STX5: variants seen among roughly 807,000 people sequenced by gnomAD.
STX5 encodes syntaxin 5, also known as syntaxin-5.
Under a neutral mutation model 42.9 loss-of-function variants are expected in STX5, and 15 were observed. The observed-to-expected ratio is 0.35, with a 90% CI of 0.23 to 0.54. The LOEUF (loss-of-function observed/expected upper bound fraction) is 0.54. STX5 is among the 20% of genes least tolerant of loss of function. The pLI is 0.91. For synonymous variants in STX5, 184 were observed against 173.2 expected (o/e 1.06, Z -0.49); for missense variants, 430 against 455.0 (o/e 0.95, Z 0.50).
intron 10 of STX5, among the ~76,000 whole-genome samples, chr11:62,815,086 A>G (rs2084658898): frequency 6.7e-6 from 1 of 149,546 alleles, no homozygotes; most frequent in African/African-American, 2.5e-5. Flanking sequence ...CGGCTCACTG[A>G]AACCTACACC....
chr11:62,807,871 G>A (rs1355793187), intron 10 of STX5: 8 of 602,046 alleles, frequency 1.3e-5, no homozygotes, highest in Admixed American at 9.8e-5. Context: ...TTTCCTCACC[G>A]GCAAAATGAG....
intron 2 of STX5, among the ~76,000 whole-genome samples, chr11:62,829,846 C>T (rs1180908052): frequency 6.6e-6 from 1 of 151,560 alleles, no homozygotes; most frequent in African/African-American, 2.4e-5. Context: ...GGGCAGATCA[C>T]CTCAGGTCAG....
Position 62,831,135 on chromosome 11 carries a change from C to T in STX5, c.109G>A (p.Asp37Asn). The T allele has an allele frequency of 1.9e-6, 3 of 1,556,146 alleles. No homozygotes were observed. The highest frequency in any genetic ancestry group is 2.6e-6 in the Non-Finnish European group (3 of 1,149,738). Residue 37 changes from aspartate to asparagine, a missense_variant, in exon 2 of 11, where the codon GAC (aspartate) becomes AAC (asparagine). Transcript: ENST00000294179. ...ACTGGGGGGGGCAGAGGGGCGATGT[C>T]GCTGCTGCTACTGCCAGCAGTTGCA... The part of the protein sequence containing the change: ...SPATAGSSSS[D>N]IAPLPPPVTL...
chr11:62,828,096 G>A (rs997781598), intron 2 of STX5, among the ~76,000 whole-genome samples: 1 of 150,998 alleles, frequency 6.6e-6, no homozygotes, highest in African/African-American at 2.4e-5. Context: ...GCTTTACCAT[G>A]AGCTGAAAAA....
At chr11:62,815,946 A>C (rs750006014) in intron 10 of STX5, 1 of 152,100 alleles carries the variant, frequency 6.6e-6, no homozygotes, top group Admixed American at 6.6e-5. Context: ...TATACATATT[A>C]TCTCATCACC....
chr11:62,809,673 C>CAAAAAAAAAAAA (rs749188946), intron 10 of STX5, among the ~76,000 whole-genome samples: 1 of 19,178 alleles, frequency 5.2e-5, no homozygotes, highest in African/African-American at 1.4e-4. Flanking sequence ...GACTCTGTCT[C>CAAAAAAAAAAAA]AAAAAAAAAA....
At chr11:62,812,003 G>A (rs1251952308) in intron 10 of STX5, among the ~76,000 whole-genome samples, 1 of 150,460 alleles carries the variant, frequency 6.6e-6, no homozygotes, top group Non-Finnish European at 1.5e-5. Context: ...AGGAAGACTA[G>A]AATGTAAAGT....
intron 10 of STX5, 112 bp from the exon 11 acceptor site, chr11:62,807,740 T>C (rs1363061859): frequency 5.3e-6 from 8 of 1,498,664 alleles, no homozygotes; most frequent in Non-Finnish European, 7.1e-6. Flanking sequence ...CCCATTCTTA[T>C]ATATATTTGT....
chr11:62,826,414 G>A (rs1240857377), intron 5 of STX5, among the ~76,000 whole-genome samples: 10 of 149,596 alleles, frequency 6.7e-5, no homozygotes, highest in South Asian at 2.1e-4. Flanking sequence ...AAAATTAGCC[G>A]GGCGCGGTGG....
intron 10 of STX5, among the ~76,000 whole-genome samples, chr11:62,819,585 T>C (rs2084716358): frequency 6.6e-6 from 1 of 152,032 alleles, no homozygotes; most frequent in Non-Finnish European, 1.5e-5. Flanking sequence ...TGGCCCAATC[T>C]CTGCTCACTG....
intron 10 of STX5, among the ~76,000 whole-genome samples, chr11:62,811,907 G>A (rs558763467): frequency 8.6e-5 from 13 of 152,006 alleles, no homozygotes; most frequent in Admixed American, 8.5e-4. Flanking sequence ...AGACCCAGCA[G>A]GATTAGCTCA....
intron 10 of STX5, among the ~76,000 whole-genome samples, chr11:62,822,359 T>C (rs1242384716): frequency 6.6e-6 from 1 of 152,202 alleles, no homozygotes; most frequent in Non-Finnish European, 1.5e-5. Flanking sequence ...CAAGGCTCTG[T>C]CTCAAACACA....
At chr11:62,830,857 G>A (rs75706420) in intron 2 of STX5, among the ~76,000 whole-genome samples, 162 bp downstream of exon 2, 1 of 152,116 alleles carries the variant, frequency 6.6e-6, no homozygotes, top group African/African-American at 2.4e-5. Context: ...TTAGCCAGCC[G>A]ACCTCTTCTC....
intron 5 of STX5, 37 bp downstream of exon 5, chr11:62,827,118 T>C: frequency 3.1e-6 from 5 of 1,592,340 alleles, no homozygotes; most frequent in Non-Finnish European, 4.3e-6. Context: ...AGTGATCTGA[T>C]TGGAATGCTG....
rs760504088 is a variant in STX5, at chr11:62,825,536, T to G, written c.427A>C (p.Ile143Leu). ...GCAATTTGTTTGTTGAGGCTATTGA[T>G]GTCCTGGTAAAAGAGTCCAAGGAAA... ...EELTYIIKQDINSLNKQIAQL... is the reference protein window; with the variant it reads ...EELTYIIKQDLNSLNKQIAQL... Residue 143 changes from isoleucine to leucine, a missense_variant, in exon 6 of 11, where the codon ATC becomes CTC. Ile to Leu is a conservative substitution (Grantham distance 5). Transcript: ENST00000294179. The G allele has an allele frequency of 6.2e-7, 1 of 1,613,436 alleles. No individual in the cohort carries two copies. Among genetic ancestry groups the G allele is most frequent in the Admixed American group, 1.7e-5 (1 of 60,022 alleles).
Position 62,824,585 on chromosome 11 carries a change from G to A in STX5, c.680-20C>T. On this transcript the variant is annotated intron_variant, in intron 8 of 10. Coordinates refer to ENST00000294179, the MANE Select transcript of STX5 (RefSeq NM_003164.5). ...CACCGCCTGGGGGAGAAAACAGGAT[G>A]TGGCACACCTTAACAGTTAAAAGCA... 2 of 1,610,898 alleles carry A rather than the reference G, an allele frequency of 1.2e-6. No homozygotes were observed. Among genetic ancestry groups the A allele is most frequent in the Non-Finnish European group, 1.7e-6 (2 of 1,177,244 alleles).
At chr11:62,823,749 G>C (rs527755489) in intron 10 of STX5, among the ~76,000 whole-genome samples, 1 of 152,100 alleles carries the variant, frequency 6.6e-6, no homozygotes, top group African/African-American at 2.4e-5. Context: ...GTCTTGCTTT[G>C]TTGCCCAAAC....
chr11:62,824,153 G>A lies in STX5; in HGVS notation c.908+13C>T. On this transcript the variant is annotated intron_variant, in intron 10 of 10. Coordinates refer to ENST00000294179, the MANE Select transcript of STX5 (RefSeq NM_003164.5). ...GAAAGCTCCTCTGTTTGGGGCGAGA[G>A]AGTGTATCTCACCTCTGAATGGTTT... 5.0e-6 allele frequency: 8 copies of A among 1,614,214 alleles called. No homozygotes were observed. Among genetic ancestry groups the A allele is most frequent in the Non-Finnish European group, 6.8e-6 (8 of 1,180,026 alleles).
intron 2 of STX5, chr11:62,830,533 T>A (rs1288266905): frequency 6.6e-6 from 3 of 456,206 alleles, no homozygotes; most frequent in Non-Finnish European, 1.3e-5. Context: ...GTTGACAGAG[T>A]TGAAAAACAG....
Sources: allele counts gnomAD v4.1 joint callset (sites outside exome capture counted in the v4.1 genomes callset), GRCh38; gene constraint gnomAD v4.1.1; transcripts MANE v1.5; gene names NCBI Gene and HGNC (gene_info 2026-07-23, HGNC 2026-07-21).